Variants in CNTNAP2 observed in about 807,000 individuals in gnomAD.
CNTNAP2 encodes the protein contactin-associated protein-like 2.
In CNTNAP2, 98 loss-of-function variants were observed where a neutral mutation model predicts 155.2. The observed-to-expected ratio is 0.63, with a 90% CI of 0.54 to 0.75. CNTNAP2 has a LOEUF of 0.75. CNTNAP2 is among the 30% of genes least tolerant of loss of function. CNTNAP2 has a pLI of 0.00. For missense variants in CNTNAP2, 1,727 were observed against 1,688.1 expected (o/e 1.02, Z -0.40); for synonymous variants, 651 against 631.2 (o/e 1.03, Z -0.47).
intron 1 of CNTNAP2, among the ~76,000 whole-genome samples, chr7:146,644,040 A>T (rs1799763762): frequency 6.6e-6 from 1 of 152,212 alleles, no homozygotes; most frequent in African/African-American, 2.4e-5. Context: ...GAAGTTGCTT[A>T]TCAGTTTAAG....
chr7:147,141,074 C>T (rs1017915154), intron 8 of CNTNAP2, among the ~76,000 whole-genome samples: 3 of 152,124 alleles, frequency 2.0e-5, no homozygotes, highest in Non-Finnish European at 2.9e-5. Context: ...TGCTATGGCT[C>T]CAATAACCTC....
intron 1 of CNTNAP2, among the ~76,000 whole-genome samples, chr7:146,773,172 A>G (rs560014800): frequency 6.6e-6 from 1 of 152,286 alleles, no homozygotes; most frequent in African/African-American, 2.4e-5. Context: ...AGAAAGATCC[A>G]TCAAAGGAAT....
chr7:146,913,421 T>C lies in CNTNAP2; in HGVS notation c.402+73517T>C, dbSNP rs376595355. On this transcript the variant is annotated intron_variant, in intron 3 of 23. Transcript: ENST00000361727. ...TTACACAGAGAAGAGAAAGTGAGTTTGTTATTTCAGGCTGCTATAACAAAT... is the reference window on the plus strand; with the variant it reads ...TTACACAGAGAAGAGAAAGTGAGTTCGTTATTTCAGGCTGCTATAACAAAT... Among the ~76,000 whole-genome samples, 15 of 152,302 alleles carry C rather than the reference T, an allele frequency of 9.8e-5. No homozygotes were observed. The South Asian group carries it at 1.2e-3, about 13-fold the overall frequency.
intron 1 of CNTNAP2, among the ~76,000 whole-genome samples, chr7:146,423,028 T>C (rs1188805441): frequency 1.3e-5 from 2 of 152,174 alleles, no homozygotes; most frequent in African/African-American, 4.8e-5. Context: ...TCTGGCCTCT[T>C]GCAAAATGTA....
chr7:146,397,871 C>CTTTTTTTTTTTT (rs1438446898), intron 1 of CNTNAP2, among the ~76,000 whole-genome samples: 3 of 126,916 alleles, frequency 2.4e-5, no homozygotes, highest in African/African-American at 6.8e-5. Flanking sequence ...ATTTGACAGG[C>CTTTTTTTTTTTT]TTTTATTTAT....
chr7:146,398,437 A>C (rs1357341446), intron 1 of CNTNAP2, among the ~76,000 whole-genome samples: 3 of 152,058 alleles, frequency 2.0e-5, no homozygotes, highest in Non-Finnish European at 4.4e-5. Flanking sequence ...CTATCATGCG[A>C]ATAGCGTGGA....
intron 13 of CNTNAP2, among the ~76,000 whole-genome samples, chr7:147,780,553 T>C (rs1293747313): frequency 2.0e-5 from 3 of 152,162 alleles, no homozygotes; most frequent in African/African-American, 7.2e-5. Context: ...TAATTGCTGG[T>C]TTCACTTTGA....
At chr7:147,426,376 T>C (rs1467434519) in intron 10 of CNTNAP2, among the ~76,000 whole-genome samples, 6 of 152,122 alleles carry the variant, frequency 3.9e-5, no homozygotes, top group African/African-American at 1.4e-4. Context: ...TCCAGAACAT[T>C]TGTCATTGGA....
At chr7:147,469,356 A>G (rs923829228) in intron 10 of CNTNAP2, among the ~76,000 whole-genome samples, 1 of 151,976 alleles carries the variant, frequency 6.6e-6, no homozygotes, top group Non-Finnish European at 1.5e-5. Flanking sequence ...GAAAACCCCT[A>G]ATTGAAGTAG....
intron 9 of CNTNAP2, among the ~76,000 whole-genome samples, chr7:147,356,048 C>A (rs1007133407): frequency 1.2e-4 from 18 of 152,108 alleles, no homozygotes; most frequent in African/African-American, 4.3e-4. Context: ...AAAATACTAG[C>A]AAACTGAATC....
chr7:147,077,892 A>C (rs1361665430), intron 4 of CNTNAP2, among the ~76,000 whole-genome samples: 1 of 152,196 alleles, frequency 6.6e-6, no homozygotes, highest in Non-Finnish European at 1.5e-5. Flanking sequence ...AGATACACAG[A>C]TTACAGATAA....
At chr7:147,034,216 G>T (rs898862656) in intron 3 of CNTNAP2, among the ~76,000 whole-genome samples, 1 of 152,190 alleles carries the variant, frequency 6.6e-6, no homozygotes, top group Admixed American at 6.5e-5. Flanking sequence ...GCAAGCTAAT[G>T]AAATATAATT....
intron 1 of CNTNAP2, among the ~76,000 whole-genome samples, chr7:146,207,641 T>A (rs1166716410): frequency 6.7e-6 from 1 of 149,544 alleles, no homozygotes; most frequent in Non-Finnish European, 1.5e-5. Flanking sequence ...GACTGTGTTT[T>A]TTTTTTTTTT....
intron 9 of CNTNAP2, among the ~76,000 whole-genome samples, chr7:147,321,696 G>A (rs1795355548): frequency 6.6e-6 from 1 of 152,124 alleles, no homozygotes; most frequent in Non-Finnish European, 1.5e-5. Flanking sequence ...GTCTCAGTTG[G>A]CACCTAATTT....
intron 13 of CNTNAP2, among the ~76,000 whole-genome samples, chr7:147,828,729 C>T (rs1798500303): frequency 6.6e-6 from 1 of 152,166 alleles, no homozygotes; most frequent in Admixed American, 6.5e-5. Context: ...CAAGTGAATG[C>T]AGTCTAGTGC....
chr7:146,247,867 AG>A (rs1349518943), intron 1 of CNTNAP2, among the ~76,000 whole-genome samples: 4 of 152,122 alleles, frequency 2.6e-5, no homozygotes, highest in Non-Finnish European at 5.9e-5. Flanking sequence ...CCCAGAGAAA[AG>A]AGTAGAGACA....
chr7:147,060,938 TGTA>T (rs1430801755), intron 4 of CNTNAP2, among the ~76,000 whole-genome samples: 5 of 152,194 alleles, frequency 3.3e-5, no homozygotes, highest in African/African-American at 4.8e-5. Flanking sequence ...ATTTCTGAGA[TGTA>T]GTATTATGGA....
chr7:146,658,502 C>T (rs7810856), intron 1 of CNTNAP2, among the ~76,000 whole-genome samples: 119,768 of 152,002 alleles, frequency 0.79, 47,680 homozygotes, highest in South Asian at 0.9. Flanking sequence ...GTTTTGTTTA[C>T]TTCTGCATGG....
intron 12 of CNTNAP2, among the ~76,000 whole-genome samples, chr7:147,588,204 G>A (rs981027695): frequency 1.5e-5 from 2 of 134,622 alleles, no homozygotes; most frequent in South Asian, 2.3e-4. Flanking sequence ...CAGAGAGAGA[G>A]AAAAAACAAA....
Sources: allele counts gnomAD v4.1 joint callset (sites outside exome capture counted in the v4.1 genomes callset), GRCh38; gene constraint gnomAD v4.1.1; transcripts MANE v1.5; gene names NCBI Gene and HGNC (gene_info 2026-07-23, HGNC 2026-07-21).